WDFY2: variants seen among roughly 807,000 people sequenced by gnomAD.
WDFY2 encodes WD repeat and FYVE domain-containing protein 2.
Under a neutral mutation model 56.4 loss-of-function variants are expected in WDFY2, and 36 were observed. The ratio of observed to expected loss-of-function variants is 0.64; its 90% CI spans 0.49 to 0.84. WDFY2 has a LOEUF of 0.84. Ranked by LOEUF, WDFY2 falls within the 40% of genes least tolerant of loss-of-function variation. The probability of loss-of-function intolerance (pLI) is 0.00; values close to 1 mark genes in which losing one functional copy is unlikely to be tolerated. For synonymous variants in WDFY2, 176 were observed against 183.7 expected (o/e 0.96, Z 0.34); for missense variants, 444 against 512.2 (o/e 0.87, Z 1.29).
chr13:51,713,464 T>TA (rs1291237380), intron 4 of WDFY2, among the ~76,000 whole-genome samples: 2 of 152,214 alleles, frequency 1.3e-5, no homozygotes, highest in Non-Finnish European at 2.9e-5. Flanking sequence ...CATGAATGAA[T>TA]AAATAAGTTT....
At chr13:51,732,785 T>C (rs1164045350) in intron 6 of WDFY2, among the ~76,000 whole-genome samples, 1 of 152,214 alleles carries the variant, frequency 6.6e-6, no homozygotes, top group African/African-American at 2.4e-5. Context: ...CCATAGTCAG[T>C]CATCCGCTCT....
chr13:51,756,575 A>G (rs1038588532), intron 10 of WDFY2, 113 bp downstream of exon 10: 49 of 1,439,858 alleles, frequency 3.4e-5, no homozygotes, highest in Non-Finnish European at 4.3e-5. Flanking sequence ...CTGGTTTAGA[A>G]TATAGTCCAC....
chr13:51,679,298 G>A (rs1463210646), intron 3 of WDFY2, among the ~76,000 whole-genome samples: 1 of 152,136 alleles, frequency 6.6e-6, no homozygotes, highest in African/African-American at 2.4e-5. Flanking sequence ...AGTATAGGGT[G>A]GAGAGAGATA....
At chr13:51,747,579 T>A (rs1214977101) in intron 7 of WDFY2, among the ~76,000 whole-genome samples, 1 of 152,250 alleles carries the variant, frequency 6.6e-6, no homozygotes, top group African/African-American at 2.4e-5. Flanking sequence ...TCACCCAGGC[T>A]AGAGTGCAGT....
intron 4 of WDFY2, among the ~76,000 whole-genome samples, chr13:51,709,296 G>C (rs185092563): frequency 6.6e-6 from 1 of 152,094 alleles, no homozygotes; most frequent in Non-Finnish European, 1.5e-5. Flanking sequence ...AAATTTGGAA[G>C]GATTTAAGTC....
At position 51,747,138 on chromosome 13, in the gene WDFY2, T is replaced by C. The variant is rs182170769; in HGVS notation, c.726-4172T>C. Reference sequence around the variant, plus strand: ...TCCTTTATTGAAGTCACAAATGCTATAGCAGAGCCTTCAGGCAAGGATCAG... The same window carrying C: ...TCCTTTATTGAAGTCACAAATGCTACAGCAGAGCCTTCAGGCAAGGATCAG... On this transcript the variant is annotated intron_variant, in intron 7 of 11. Transcript: ENST00000298125. Among the ~76,000 whole-genome samples, 10 of 152,376 alleles carry C rather than the reference T, an allele frequency of 6.6e-5. No individual in the cohort carries two copies. The East Asian group carries it at 1.9e-3, about 29-fold the overall frequency.
intron 10 of WDFY2, among the ~76,000 whole-genome samples, chr13:51,756,839 G>A (rs1372004607): frequency 6.6e-6 from 1 of 152,154 alleles, no homozygotes; most frequent in Non-Finnish European, 1.5e-5. Context: ...TGAGTCCATG[G>A]GTCCAGAAGG....
At chr13:51,716,777 GAA>G (rs140984251) in intron 4 of WDFY2, among the ~76,000 whole-genome samples, 64 of 116,616 alleles carry the variant, frequency 5.5e-4, no homozygotes, top group Middle Eastern at 4.4e-3. Context: ...TATCTCTCAT[GAA>G]AAAAAAAAAA....
intron 2 of WDFY2, among the ~76,000 whole-genome samples, chr13:51,664,545 A>C (rs970810874): frequency 6.6e-6 from 1 of 152,200 alleles, no homozygotes. Context: ...GTGATGCACA[A>C]GATTTTCCTC....
intron 1 of WDFY2, among the ~76,000 whole-genome samples, chr13:51,629,165 T>C (rs1259729638): frequency 6.6e-6 from 1 of 152,202 alleles, no homozygotes; most frequent in African/African-American, 2.4e-5. Flanking sequence ...TTCTCTCTCT[T>C]CCAGTGAGGA....
At chr13:51,753,592 C>T (rs867847951) in intron 8 of WDFY2, among the ~76,000 whole-genome samples, 8 of 152,128 alleles carry the variant, frequency 5.3e-5, no homozygotes, top group Non-Finnish European at 7.3e-5. Flanking sequence ...ACACATAACA[C>T]GTGTGTAAGA....
At chr13:51,594,911 T>TTAA (rs540649630) in intron 1 of WDFY2, among the ~76,000 whole-genome samples, 5 of 152,248 alleles carry the variant, frequency 3.3e-5, no homozygotes, top group Non-Finnish European at 7.3e-5. Flanking sequence ...GTAAGCTTTT[T>TTAA]CTGTTGCCAT....
chr13:51,611,932 G>T (rs1954511310), intron 1 of WDFY2, among the ~76,000 whole-genome samples: 1 of 152,112 alleles, frequency 6.6e-6, no homozygotes, highest in Non-Finnish European at 1.5e-5. Context: ...CATAAGGAAA[G>T]GTAGCCTGAA....
At chr13:51,589,814 T>C (rs1484185300) in intron 1 of WDFY2, 11 of 152,184 alleles carry the variant, frequency 7.2e-5, no homozygotes, top group Non-Finnish European at 1.5e-5. Flanking sequence ...CACTTGAGAC[T>C]CATCACTTGG....
intron 1 of WDFY2, among the ~76,000 whole-genome samples, chr13:51,641,743 G>C (rs375555269): frequency 1.4e-5 from 2 of 144,696 alleles, no homozygotes; most frequent in Non-Finnish European, 3.0e-5. Context: ...GGAGAATGAC[G>C]TGAACCCGGG....
At position 51,737,036 on chromosome 13, in the gene WDFY2, G is replaced by A. The variant is rs571602576; in HGVS notation, c.599-2013G>A. On this transcript the variant is annotated intron_variant, in intron 6 of 11. Transcript: ENST00000298125. ...AAAGAACCTAAGCTACCCATTTCAC[G>A]TGTTATATAGGGGAAATCAAACACT... Among the ~76,000 whole-genome samples the A allele has an allele frequency of 7.2e-5, 11 of 152,180 alleles. No individual in the cohort carries two copies. In the South Asian group the frequency reaches 1.9e-3, roughly 26 times the overall value.
chr13:51,659,301 G>A (rs1955568367), intron 1 of WDFY2, among the ~76,000 whole-genome samples: 1 of 152,140 alleles, frequency 6.6e-6, no homozygotes, highest in African/African-American at 2.4e-5. Flanking sequence ...TTAAAACTTA[G>A]TCCATTGTGA....
chr13:51,591,709 G>A (rs967507048), intron 1 of WDFY2: 1 of 152,166 alleles, frequency 6.6e-6, no homozygotes, highest in African/African-American at 2.4e-5. Flanking sequence ...AAAGGATTGT[G>A]AACAAGAGTT....
intron 1 of WDFY2, chr13:51,586,030 A>G (rs897221265): frequency 1.3e-5 from 5 of 398,454 alleles, no homozygotes; most frequent in Non-Finnish European, 2.2e-5. Context: ...TGCAGATCCA[A>G]TGGAAAACAT....
Sources: gnomAD v4.1 joint callset for allele counts (sites outside exome capture counted in the v4.1 genomes callset) on GRCh38, gnomAD v4.1.1 for gene constraint, MANE v1.5 for transcripts, NCBI Gene and HGNC (gene_info 2026-07-23, HGNC 2026-07-21) for gene names.